The following MARCHF1 variants were observed in gnomAD, a reference collection of about 807,000 sequenced individuals.
MARCHF1 encodes the protein E3 ubiquitin-protein ligase MARCHF1.
Under a neutral mutation model 54.2 loss-of-function variants are expected in MARCHF1, and 40 were observed. That is an observed-to-expected ratio of 0.74 (90% confidence interval 0.57 to 0.96). The LOEUF (loss-of-function observed/expected upper bound fraction) is 0.96, where lower values mean the gene tolerates loss of function less well. MARCHF1 is among the 40% of genes least tolerant of loss of function. The probability of loss-of-function intolerance (pLI) is 0.00; values close to 1 mark genes in which losing one functional copy is unlikely to be tolerated. For missense variants in MARCHF1, 586 were observed against 656.5 expected (o/e 0.89, Z 1.17); for synonymous variants, 236 against 236.3 (o/e 1.00, Z 0.01).
intron 1 of MARCHF1, among the ~76,000 whole-genome samples, chr4:164,168,583 G>A (rs2321370): frequency 0.19 from 28,661 of 151,584 alleles, 4,332 homozygotes; most frequent in African/African-American, 0.41. Context: ...CATCAATGAT[G>A]GACCTGCAGA....
At chr4:164,090,080 G>T (rs1027486014) in intron 2 of MARCHF1, among the ~76,000 whole-genome samples, 2 of 151,936 alleles carry the variant, frequency 1.3e-5, no homozygotes, top group Non-Finnish European at 2.9e-5. Context: ...GGCAAAGCAT[G>T]TACACACAAT....
intron 1 of MARCHF1, among the ~76,000 whole-genome samples, chr4:164,280,311 A>G (rs1315346398): frequency 6.6e-6 from 1 of 152,050 alleles, no homozygotes; most frequent in Admixed American, 6.6e-5. Flanking sequence ...TACATCTTCA[A>G]ACGGTGAACT....
At chr4:164,273,735 T>C (rs1238132930) in intron 1 of MARCHF1, among the ~76,000 whole-genome samples, 1 of 152,172 alleles carries the variant, frequency 6.6e-6, no homozygotes, top group Non-Finnish European at 1.5e-5. Context: ...CTCAGCAACA[T>C]AGATGTGTGT....
At chr4:163,671,155 A>G (rs1361749312) in intron 5 of MARCHF1, among the ~76,000 whole-genome samples, 2 of 152,206 alleles carry the variant, frequency 1.3e-5, no homozygotes, top group East Asian at 3.9e-4. Flanking sequence ...CTAGACTTAT[A>G]AATGGATGAG....
rs978010124 is a variant in MARCHF1 at position 164,153,235 on chromosome 4, A to G, written c.-322-41573T>C. ...TTCACTAACCATCAACCACTAAAGCAGTCACTTACACTACCTTAGATTTTA... is the reference window on the plus strand; with the variant it reads ...TTCACTAACCATCAACCACTAAAGCGGTCACTTACACTACCTTAGATTTTA... On this transcript the variant is annotated intron_variant, in intron 1 of 9. Coordinates refer to ENST00000514618, the MANE Select transcript of MARCHF1 (RefSeq NM_001394959.1). 4.0e-5 allele frequency among the ~76,000 whole-genome samples: 6 copies of G among 150,150 alleles called. No homozygotes were observed. In the East Asian group the frequency reaches 1.2e-3, roughly 29 times the overall value.
At chr4:164,164,728 G>A (rs1730326656) in intron 1 of MARCHF1, among the ~76,000 whole-genome samples, 2 of 151,948 alleles carry the variant, frequency 1.3e-5, no homozygotes, top group Non-Finnish European at 2.9e-5. Flanking sequence ...CATGGATTGT[G>A]ACAACAATCA....
At chr4:164,363,524 T>C (rs776776422) in intron 1 of MARCHF1, among the ~76,000 whole-genome samples, 12 of 152,168 alleles carry the variant, frequency 7.9e-5, no homozygotes, top group South Asian at 2.1e-4. Context: ...ATAGTGTCGA[T>C]TGACGAAAAG....
chr4:164,147,418 T>C (rs182047856), intron 1 of MARCHF1, among the ~76,000 whole-genome samples: 13,623 of 127,082 alleles, frequency 0.11, 1,105 homozygotes, highest in African/African-American at 0.25. Flanking sequence ...GACTTGGAAC[T>C]AACCCAAATG....
rs574134960 is a variant in MARCHF1, at chr4:163,744,862, T to C, written c.112-43999A>G. On this transcript the variant is annotated intron_variant, in intron 4 of 9. Coordinates refer to ENST00000514618, the MANE Select transcript of MARCHF1 (RefSeq NM_001394959.1). ...AGCCAGAAAATATATTGACTAAAGA[T>C]ATAAAAGAGAGAAATATAATATAGA... Among the ~76,000 whole-genome samples the C allele has an allele frequency of 1.8e-3, 277 of 152,066 alleles. 1 individual carries two copies. Among genetic ancestry groups the C allele is most frequent in the African/African-American group, 6.5e-3 (268 of 41,516 alleles).
At chr4:164,346,604 GTATATATATATATATATATATATATA>G (rs56936775) in intron 1 of MARCHF1, among the ~76,000 whole-genome samples, 1,797 of 42,192 alleles carry the variant, frequency 0.043, 34 homozygotes, top group South Asian at 0.072. Flanking sequence ...ATGTATGTAT[GTATATATATATATATATATATATATA>G]TATATATATA....
chr4:164,226,062 T>C (rs946812863), intron 1 of MARCHF1, among the ~76,000 whole-genome samples: 6 of 152,034 alleles, frequency 3.9e-5, no homozygotes, highest in Non-Finnish European at 5.9e-5. Flanking sequence ...TCACCATTTA[T>C]GATCTTCCAT....
At chr4:163,623,774 T>C (rs7699638) in intron 5 of MARCHF1, among the ~76,000 whole-genome samples, 5,383 of 152,268 alleles carry the variant, frequency 0.035, 318 homozygotes, top group East Asian at 0.21. Context: ...TTTTCTGCAT[T>C]CTTGTCTCAT....
chr4:164,039,827 A>G (rs955947687), intron 2 of MARCHF1, among the ~76,000 whole-genome samples: 2 of 151,876 alleles, frequency 1.3e-5, no homozygotes, highest in Non-Finnish European at 2.9e-5. Flanking sequence ...GATCATTTGA[A>G]TAGGTAGATT....
At chr4:164,286,251 C>A (rs1188980838) in intron 1 of MARCHF1, among the ~76,000 whole-genome samples, 1 of 152,138 alleles carries the variant, frequency 6.6e-6, no homozygotes, top group East Asian at 1.9e-4. Context: ...GATCAGTATA[C>A]AACATTCCAT....
chr4:163,611,484 AATC>A (rs1741338791), intron 7 of MARCHF1, among the ~76,000 whole-genome samples: 1 of 152,134 alleles, frequency 6.6e-6, no homozygotes, highest in South Asian at 2.1e-4. Context: ...TCTCATACAG[AATC>A]TAAACAGCTT....
chr4:163,643,828 T>G (rs888842810), intron 5 of MARCHF1, among the ~76,000 whole-genome samples: 5 of 152,128 alleles, frequency 3.3e-5, no homozygotes, highest in Admixed American at 3.3e-4. Context: ...TTAGGTTTTT[T>G]TGTTACAACA....
intron 3 of MARCHF1, among the ~76,000 whole-genome samples, chr4:163,955,919 G>A (rs1752224418): frequency 6.6e-6 from 1 of 151,984 alleles, no homozygotes; most frequent in African/African-American, 2.4e-5. Context: ...CTCAAAAATT[G>A]TCGCAAATAG....
At chr4:164,069,870 C>T (rs114891445) in intron 2 of MARCHF1, among the ~76,000 whole-genome samples, 3 of 152,246 alleles carry the variant, frequency 2.0e-5, no homozygotes, top group South Asian at 4.2e-4. Flanking sequence ...AACCTAGGTG[C>T]CCTATCAATG....
chr4:164,223,472 G>A (rs1355510007), intron 1 of MARCHF1, among the ~76,000 whole-genome samples: 1 of 151,896 alleles, frequency 6.6e-6, no homozygotes, highest in Non-Finnish European at 1.5e-5. Flanking sequence ...AAACTTAGTG[G>A]AGAAGCAAGT....
Sources: gnomAD v4.1 joint callset for allele counts (sites outside exome capture counted in the v4.1 genomes callset) on GRCh38, gnomAD v4.1.1 for gene constraint, MANE v1.5 for transcripts, NCBI Gene and HGNC (gene_info 2026-07-23, HGNC 2026-07-21) for gene names.